The following KIF27 variants were observed in gnomAD, a reference collection of about 807,000 sequenced individuals.
KIF27 encodes kinesin family member 27.
A neutral mutation model predicts 141.8 loss-of-function variants in KIF27; 84 were observed. The ratio of observed to expected loss-of-function variants is 0.59; its 90% CI spans 0.50 to 0.71. KIF27 has a LOEUF of 0.71. KIF27 is among the 30% of genes least tolerant of loss of function. The pLI is 0.00. For synonymous variants in KIF27, 471 were observed against 569.5 expected, an observed-to-expected ratio of 0.83 and a Z score of 2.46; for missense variants, 1,306 against 1,628.4, an observed-to-expected ratio of 0.80 and a Z score of 3.41.
chr9:83,904,125 A>G, intron 3 of KIF27, 107 bp from the exon 4 acceptor site: 1 of 706,900 alleles, frequency 1.4e-6, no homozygotes, highest in South Asian at 2.3e-5. Context: ...CCTTTTTTAA[A>G]AAGTCAACAG....
intron 12 of KIF27, 96 bp from the exon 13 acceptor site, chr9:83,867,956 A>G: frequency 2.4e-6 from 3 of 1,261,886 alleles, no homozygotes; most frequent in Non-Finnish European, 3.2e-6. Context: ...AATCTCTTAA[A>G]TGAACATTTA....
At position 83,902,458 on chromosome 9, in the gene KIF27, G is replaced by A. The variant is rs114148892; in HGVS notation, c.1458+602C>T. On this transcript the variant is annotated intron_variant, in intron 4 of 17. Coordinates refer to ENST00000297814, the MANE Select transcript of KIF27 (RefSeq NM_017576.4). The stretch of plus-strand genomic sequence containing the variant: ...ACAATAAACAGTTTCTGAATGAAAA[G>A]TGGGGAAATGTAAATCTGAACTCAA... 6.8e-3 allele frequency among the ~76,000 whole-genome samples: 1,029 copies of A among 152,240 alleles called. 11 individuals are homozygous for A. Among genetic ancestry groups the A allele is most frequent in the African/African-American group, 0.024 (988 of 41,532 alleles).
chr9:83,902,965 T>C, intron 4 of KIF27, 95 bp downstream of exon 4: 1 of 664,084 alleles, frequency 1.5e-6, no homozygotes, highest in East Asian at 2.8e-5. Context: ...TCCATAACAA[T>C]GTCTAAATAT....
intron 15 of KIF27, among the ~76,000 whole-genome samples, chr9:83,853,361 CT>C (rs1948826732): frequency 6.6e-6 from 1 of 152,012 alleles, no homozygotes; most frequent in East Asian, 1.9e-4. Context: ...AACTTAAATT[CT>C]TTGGTTTTAA....
intron 13 of KIF27, among the ~76,000 whole-genome samples, chr9:83,864,743 C>T (rs1353285056): frequency 6.6e-6 from 1 of 152,138 alleles, no homozygotes; most frequent in African/African-American, 2.4e-5. Context: ...AACTTTCTGT[C>T]TCATGGATCT....
chr9:83,908,703 G>C (rs1184596130), intron 2 of KIF27, 51 bp from the exon 3 acceptor site: 1 of 1,106,400 alleles, frequency 9.0e-7, no homozygotes, highest in African/African-American at 1.6e-5. Flanking sequence ...CAAAAGCAAA[G>C]CTACAACCCC....
chr9:83,904,375 C>CTT (rs5898838), intron 3 of KIF27, among the ~76,000 whole-genome samples: 2 of 149,940 alleles, frequency 1.3e-5, no homozygotes, highest in African/African-American at 2.4e-5. Flanking sequence ...TAGATTAATC[C>CTT]TTTTTTTTTT....
intron 12 of KIF27, 63 bp from the exon 13 acceptor site, chr9:83,867,923 T>C: frequency 6.9e-7 from 1 of 1,439,042 alleles, no homozygotes; most frequent in Non-Finnish European, 9.3e-7. Flanking sequence ...TATATGGTAA[T>C]AATAGAATTT....
chr9:83,903,686 T>C lies in KIF27; in HGVS notation c.832A>G (p.Ile278Val), dbSNP rs762230637. ...NSGLLALGNV[I>V]SALGDPRRKS... The stretch of plus-strand genomic sequence containing the variant: ...CTGCGTGGGTCCCCAAGAGCGCTTA[T>C]TACATTTCCTAAAGCCAGCAATCCA... The change falls in exon 4 of 18, where the codon ATA (isoleucine) becomes GTA (valine). Residue 278 changes from isoleucine to valine, a missense_variant. Ile to Val is a conservative substitution (Grantham distance 29). This residue lies in a region of KIF27 where 533 missense variants were observed against 565.6 expected (regional missense o/e 0.94). Transcript: ENST00000297814. The C allele has an allele frequency of 6.2e-7, 1 of 1,614,046 alleles. No homozygotes were observed. Among genetic ancestry groups the C allele is most frequent in the Non-Finnish European group, 8.5e-7 (1 of 1,180,038 alleles).
intron 4 of KIF27, among the ~76,000 whole-genome samples, chr9:83,900,668 T>C (rs1953779004): frequency 6.6e-6 from 1 of 151,914 alleles, no homozygotes; most frequent in Non-Finnish European, 1.5e-5. Context: ...AATTGCAAAA[T>C]TGTGGAACCA....
intron 6 of KIF27, among the ~76,000 whole-genome samples, chr9:83,890,063 GACAGT>G (rs1311584171): frequency 6.6e-6 from 1 of 152,182 alleles, no homozygotes; most frequent in Non-Finnish European, 1.5e-5. Flanking sequence ...TCTTAGAGGA[GACAGT>G]CCATTTATCA....
chr9:83,906,305 A>C (rs1954522612), intron 3 of KIF27, among the ~76,000 whole-genome samples: 1 of 152,204 alleles, frequency 6.6e-6, no homozygotes, highest in South Asian at 2.1e-4. Flanking sequence ...ATAAAGATGC[A>C]AGATTTGCTG....
intron 1 of KIF27, among the ~76,000 whole-genome samples, chr9:83,915,996 A>G (rs1449366512): frequency 6.6e-6 from 1 of 152,138 alleles, no homozygotes; most frequent in Non-Finnish European, 1.5e-5. Context: ...ATATTAAATA[A>G]CCAGGGAGTT....
At chr9:83,880,176 A>G in intron 11 of KIF27, 121 bp downstream of exon 11, 8 of 1,415,740 alleles carry the variant, frequency 5.7e-6, no homozygotes, top group Non-Finnish European at 7.8e-6. Context: ...TAAGGACAGC[A>G]GTGAAGGGCA....
chr9:83,916,649 T>C (rs903981052), intron 1 of KIF27, among the ~76,000 whole-genome samples: 6 of 150,770 alleles, frequency 4.0e-5, no homozygotes, highest in Middle Eastern at 3.2e-3. Flanking sequence ...GGTAACTACA[T>C]TTACAATGAA....
intron 13 of KIF27, among the ~76,000 whole-genome samples, chr9:83,867,209 T>C (rs1202779012): frequency 6.6e-6 from 1 of 152,220 alleles, no homozygotes; most frequent in Non-Finnish European, 1.5e-5. Flanking sequence ...TGTCAAATAA[T>C]ACGCTATTGT....
intron 11 of KIF27, among the ~76,000 whole-genome samples, chr9:83,877,550 A>G (rs1210144071): frequency 6.6e-6 from 1 of 152,210 alleles, no homozygotes; most frequent in African/African-American, 2.4e-5. Flanking sequence ...AGCAAAAACC[A>G]TAAAACTCTT....
In KIF27 at chr9:83,897,032, T is replaced by TA. The variant is rs575643625; in HGVS notation, c.1602+2628dup. On this transcript the variant is annotated intron_variant, in intron 5 of 17. Transcript: ENST00000297814. ...ATGGTTAAACAATTCTGTAAATACA[T>TA]AAAAAAATCATTGAATTGTATATTT... Among the ~76,000 whole-genome samples, 13 of 152,222 alleles carry TA rather than the reference T, an allele frequency of 8.5e-5. No homozygotes were observed. In the South Asian group the frequency reaches 2.3e-3, roughly 27 times the overall value.
chr9:83,848,455 T>C, intron 16 of KIF27, among the ~76,000 whole-genome samples: 1 of 140,178 alleles, frequency 7.1e-6, no homozygotes, highest in South Asian at 2.1e-4. Context: ...TATATGTATA[T>C]ATCTATATCT....
Sources: allele counts gnomAD v4.1 joint callset (sites outside exome capture counted in the v4.1 genomes callset), GRCh38; gene constraint gnomAD v4.1.1; regional missense constraint gnomAD v4.1.1; transcripts MANE v1.5; gene names NCBI Gene and HGNC (gene_info 2026-07-23, HGNC 2026-07-21).